The following GALNTL6 variants were observed in gnomAD, a reference collection of about 807,000 sequenced individuals.
GALNTL6 encodes polypeptide N-acetylgalactosaminyltransferase like 6.
Under a neutral mutation model 73.7 loss-of-function variants are expected in GALNTL6, and 46 were observed. The observed-to-expected ratio is 0.62, with a 90% CI of 0.49 to 0.80. The LOEUF is 0.80. Among genes scored for constraint, GALNTL6 ranks in the 30% least tolerant of loss-of-function variants. The pLI is 0.00. For synonymous variants in GALNTL6, 259 were observed against 263.7 expected, an observed-to-expected ratio of 0.98 and a Z score of 0.17; for missense variants, 604 against 755.0, an observed-to-expected ratio of 0.80 and a Z score of 2.34.
intron 2 of GALNTL6, among the ~76,000 whole-genome samples, chr4:172,173,416 T>G (rs989332124): frequency 6.6e-6 from 1 of 152,200 alleles, no homozygotes; most frequent in Non-Finnish European, 1.5e-5. Flanking sequence ...TCTGGGAAAA[T>G]GCAGCCCTAG....
At chr4:172,516,113 G>T (rs1420930746) in intron 5 of GALNTL6, among the ~76,000 whole-genome samples, 8 of 152,094 alleles carry the variant, frequency 5.3e-5, no homozygotes, top group Non-Finnish European at 8.8e-5. Flanking sequence ...GCACATAATA[G>T]ATTTTTATTA....
chr4:172,164,251 G>A (rs1579201525), intron 2 of GALNTL6, among the ~76,000 whole-genome samples: 1 of 152,112 alleles, frequency 6.6e-6, no homozygotes, highest in East Asian at 1.9e-4. Flanking sequence ...GAGATACGAT[G>A]AATGGTAAAA....
At chr4:172,142,907 C>A (rs941734793) in intron 2 of GALNTL6, among the ~76,000 whole-genome samples, 1 of 151,772 alleles carries the variant, frequency 6.6e-6, no homozygotes, top group Non-Finnish European at 1.5e-5. Context: ...TCTCCTGTTG[C>A]CCTATTCTAC....
intron 2 of GALNTL6, among the ~76,000 whole-genome samples, chr4:171,893,815 A>G (rs189545802): frequency 2.6e-5 from 4 of 152,192 alleles, no homozygotes; most frequent in African/African-American, 9.7e-5. Flanking sequence ...ACAGACTGCT[A>G]AACTGAAAAA....
chr4:171,889,515 C>T (rs532089335), intron 2 of GALNTL6, among the ~76,000 whole-genome samples: 5 of 152,124 alleles, frequency 3.3e-5, no homozygotes, highest in African/African-American at 1.2e-4. Context: ...TAGGCTGAGT[C>T]TATAAGAAAA....
At chr4:172,583,920 A>AAAAT (rs1553962815) in intron 5 of GALNTL6, among the ~76,000 whole-genome samples, 5 of 135,498 alleles carry the variant, frequency 3.7e-5, no homozygotes, top group East Asian at 2.3e-4. Context: ...AAAAAAAAAA[A>AAAAT]TCAGATGCTG....
intron 3 of GALNTL6, among the ~76,000 whole-genome samples, chr4:172,249,450 C>A (rs1226131893): frequency 6.6e-6 from 1 of 152,218 alleles, no homozygotes; most frequent in Non-Finnish European, 1.5e-5. Context: ...TTCAAGCCTG[C>A]TGCAGAAAAT....
chr4:172,041,406 T>C (rs1301344021), intron 2 of GALNTL6, among the ~76,000 whole-genome samples: 1 of 152,056 alleles, frequency 6.6e-6, no homozygotes, highest in Non-Finnish European at 1.5e-5. Context: ...TTGAGAATAT[T>C]TTAAAACATA....
intron 2 of GALNTL6, among the ~76,000 whole-genome samples, chr4:172,041,529 C>T (rs145970201): frequency 1.3e-3 from 191 of 152,094 alleles, no homozygotes; most frequent in African/African-American, 4.1e-3. Context: ...CAGTACAGAC[C>T]TGTGATTATA....
intron 2 of GALNTL6, among the ~76,000 whole-genome samples, chr4:171,853,003 G>C (rs1223177008): frequency 2.1e-5 from 3 of 139,604 alleles, no homozygotes; most frequent in Non-Finnish European, 3.1e-5. Flanking sequence ...CCGCCACCAC[G>C]CCCGGCTAAT....
At chr4:171,853,012 A>ATTTTTTTTTTTTTTTTTTTTTTT (rs765984611) in intron 2 of GALNTL6, among the ~76,000 whole-genome samples, 3 of 86,870 alleles carry the variant, frequency 3.5e-5, no homozygotes, top group African/African-American at 9.3e-5. Context: ...CGCCCGGCTA[A>ATTTTTTTTTTTTTTTTTTTTTTT]TTTTTTTTTT....
intron 10 of GALNTL6, among the ~76,000 whole-genome samples, chr4:172,993,992 C>G (rs945833554): frequency 6.6e-6 from 1 of 152,170 alleles, no homozygotes; most frequent in Non-Finnish European, 1.5e-5. Context: ...GACCAAACCC[C>G]AACCCGTTCA....
intron 2 of GALNTL6, among the ~76,000 whole-genome samples, chr4:171,942,124 C>T (rs1194373565): frequency 6.6e-6 from 1 of 151,946 alleles, no homozygotes; most frequent in Non-Finnish European, 1.5e-5. Flanking sequence ...CGTTCGGTGG[C>T]TCACGCCTGG....
At chr4:172,747,967 T>A (rs1438718278) in intron 5 of GALNTL6, among the ~76,000 whole-genome samples, 3 of 150,584 alleles carry the variant, frequency 2.0e-5, no homozygotes, top group African/African-American at 4.9e-5. Flanking sequence ...ACTGACACAG[T>A]TATTGCTAAC....
At chr4:172,584,430 T>G (rs914520616) in intron 5 of GALNTL6, among the ~76,000 whole-genome samples, 3 of 152,138 alleles carry the variant, frequency 2.0e-5, no homozygotes, top group African/African-American at 7.2e-5. Context: ...AGGGGTCAGA[T>G]CTCAGAGAGC....
At chr4:172,558,280 T>C (rs1227220996) in intron 5 of GALNTL6, among the ~76,000 whole-genome samples, 2 of 152,168 alleles carry the variant, frequency 1.3e-5, no homozygotes, top group African/African-American at 2.4e-5. Flanking sequence ...AAATATCCTA[T>C]ATTTTGAAAA....
chr4:172,452,923 C>T (rs1732262192), intron 5 of GALNTL6, among the ~76,000 whole-genome samples: 1 of 152,154 alleles, frequency 6.6e-6, no homozygotes, highest in Admixed American at 6.5e-5. Context: ...GATGTGAGGG[C>T]CAGGTGCGGT....
chr4:171,941,968 G>A (rs202105622), intron 2 of GALNTL6, among the ~76,000 whole-genome samples: 9 of 152,050 alleles, frequency 5.9e-5, no homozygotes, highest in Non-Finnish European at 1.2e-4. Flanking sequence ...CACCTGTATC[G>A]TAACCTTTTG....
intron 5 of GALNTL6, among the ~76,000 whole-genome samples, chr4:172,582,725 A>G (rs145023432): frequency 1.3e-5 from 2 of 148,828 alleles, no homozygotes; most frequent in African/African-American, 5.1e-5. Context: ...TCCAGTACTC[A>G]TTGGGAAATC....
Sources: allele counts gnomAD v4.1 joint callset (sites outside exome capture counted in the v4.1 genomes callset), GRCh38; gene constraint gnomAD v4.1.1; transcripts MANE v1.5; gene names NCBI Gene and HGNC (gene_info 2026-07-23, HGNC 2026-07-21).